OR7C1: variants seen among roughly 807,000 people sequenced by gnomAD.
The protein encoded by OR7C1 is olfactory receptor family 7 subfamily C member 1.
For synonymous variants in OR7C1, 152 were observed against 160.7 expected (o/e 0.95, Z 0.41); for missense variants, 324 against 383.3 (o/e 0.85, Z 1.29).
intron 2 of OR7C1, among the ~76,000 whole-genome samples, chr19:14,807,472 G>A (rs2044671084): frequency 6.6e-6 from 1 of 151,818 alleles, no homozygotes; most frequent in Admixed American, 6.6e-5. Flanking sequence ...CTTCCCCTCT[G>A]TTCATCTCTT....
intron 1 of OR7C1, among the ~76,000 whole-genome samples, chr19:14,829,135 T>C (rs1294591557): frequency 4.6e-5 from 7 of 152,310 alleles, no homozygotes; most frequent in African/African-American, 1.7e-4. Flanking sequence ...GCAAGATTCA[T>C]GAAGTTATCT....
chr19:14,827,090 G>C (rs964592452), intron 1 of OR7C1: 8 of 480,784 alleles, frequency 1.7e-5, no homozygotes, highest in African/African-American at 6.0e-5. Context: ...ACAACAAAGA[G>C]AAAAAACTGT....
At position 14,832,104 on chromosome 19, in the gene OR7C1, C is replaced by T. The variant is rs574001035; in HGVS notation, c.-623+2970G>A. Among the ~76,000 whole-genome samples the T allele has an allele frequency of 2.1e-4, 32 of 152,172 alleles. No homozygotes were observed. In the South Asian group the frequency reaches 6.0e-3, roughly 29 times the overall value. On this transcript the variant is annotated intron_variant, in intron 1 of 4. Transcript: ENST00000641666. Reference sequence around the variant, plus strand: ...TGTTCATGCTTTGTAGAGACAGGGTCTTGTTTTGTTGCCCAGGCTGGTCTC... The same window carrying T: ...TGTTCATGCTTTGTAGAGACAGGGTTTTGTTTTGTTGCCCAGGCTGGTCTC...
intron 1 of OR7C1, among the ~76,000 whole-genome samples, chr19:14,830,944 G>A (rs765351497): frequency 4.6e-5 from 7 of 152,090 alleles, no homozygotes; most frequent in Non-Finnish European, 5.9e-5. Flanking sequence ...TATCAGTACC[G>A]CACAAAGCCC....
intron 1 of OR7C1, chr19:14,828,224 AT>A (rs1568254049): frequency 1.2e-6 from 2 of 1,611,422 alleles, no homozygotes; most frequent in Admixed American, 3.3e-5. Flanking sequence ...AAATTTGTGT[AT>A]CATTTCCTGG....
exon 5 of OR7C1, chr19:14,799,637 G>C: frequency 6.2e-7 from 1 of 1,613,948 alleles, no homozygotes; most frequent in Non-Finnish European, 8.5e-7. Context: ...GGTGCAGAAG[G>C]ACAGCCTCAA....
At chr19:14,816,646 G>A (rs1219158098) in intron 1 of OR7C1, among the ~76,000 whole-genome samples, 3 of 152,176 alleles carry the variant, frequency 2.0e-5, no homozygotes, top group Non-Finnish European at 2.9e-5. Context: ...GACTCAGATT[G>A]TCTTCCTTTC....
chr19:14,811,512 C>T (rs1256481688), intron 1 of OR7C1, among the ~76,000 whole-genome samples: 5 of 151,910 alleles, frequency 3.3e-5, no homozygotes, highest in Non-Finnish European at 7.3e-5. Flanking sequence ...CTAATTGTAT[C>T]TGTAAAGACT....
At chr19:14,826,222 AC>A (rs2044766490) in intron 1 of OR7C1, 1 of 152,180 alleles carries the variant, frequency 6.6e-6, no homozygotes, top group South Asian at 2.1e-4. Flanking sequence ...CAGAGGCATG[AC>A]TGGGGAGAAG....
exon 5 of OR7C1, chr19:14,799,205 A>G: frequency 6.2e-7 from 1 of 1,612,526 alleles, no homozygotes; most frequent in South Asian, 1.1e-5. Context: ...GTCACCATTA[A>G]AAAATGTTGC....
exon 5 of OR7C1, chr19:14,798,699 T>G (rs2044623200): frequency 1.3e-5 from 2 of 154,940 alleles, no homozygotes; most frequent in Non-Finnish European, 2.9e-5. Flanking sequence ...GTGTGCCATT[T>G]GCATAGCATG....
At chr19:14,827,569 T>C in intron 1 of OR7C1, 1 of 1,614,144 alleles carries the variant, frequency 6.2e-7, no homozygotes, top group Non-Finnish European at 8.5e-7. Context: ...ATTGCATGTA[T>C]GGAAGAAATT....
intron 1 of OR7C1, among the ~76,000 whole-genome samples, chr19:14,821,876 C>T (rs1199814505): frequency 2.0e-5 from 3 of 152,216 alleles, no homozygotes; most frequent in African/African-American, 7.2e-5. Context: ...CACAAAATGT[C>T]CCTCACCATT....
At chr19:14,823,574 A>G (rs1209492614) in intron 1 of OR7C1, among the ~76,000 whole-genome samples, 1 of 152,238 alleles carries the variant, frequency 6.6e-6, no homozygotes, top group East Asian at 1.9e-4. Flanking sequence ...CAAATAGTGT[A>G]CATTGTACCC....
intron 2 of OR7C1, among the ~76,000 whole-genome samples, chr19:14,808,318 A>C (rs2044675457): frequency 6.6e-6 from 1 of 151,998 alleles, no homozygotes; most frequent in Non-Finnish European, 1.5e-5. Context: ...ACCTGAACTA[A>C]TACGTTTATC....
At chr19:14,818,121 G>T (rs534848603) in intron 1 of OR7C1, among the ~76,000 whole-genome samples, 39 of 139,646 alleles carry the variant, frequency 2.8e-4, no homozygotes, top group African/African-American at 9.8e-4. Flanking sequence ...ACGGAGTCTC[G>T]CTCTGTCCCC....
At chr19:14,824,616 A>G (rs1043194109) in intron 1 of OR7C1, 5 of 152,144 alleles carry the variant, frequency 3.3e-5, no homozygotes, top group Non-Finnish European at 7.3e-5. Flanking sequence ...TTCTTTATCC[A>G]ATACACCATT....
chr19:14,826,547 C>G (rs1231396839), intron 1 of OR7C1: 4 of 152,104 alleles, frequency 2.6e-5, no homozygotes, highest in Non-Finnish European at 4.4e-5. Context: ...TTCAATGAGT[C>G]CATGCACATC....
In OR7C1 at chr19:14,828,141, A is replaced by C. The variant is rs753219648; in HGVS notation, c.-623+6933T>G. The C allele has an allele frequency of 3.1e-6, 5 of 1,614,158 alleles. No homozygotes were observed. Among genetic ancestry groups the C allele is most frequent in the Non-Finnish European group, 4.2e-6 (5 of 1,180,030 alleles). On this transcript the variant is annotated intron_variant, in intron 1 of 4. Transcript: ENST00000641666. ...GTTCCCGAGCACAGTGACCAGGTAC[A>C]TGGACAGGAACAGCCCAAAGAGGAA...
Sources: allele counts gnomAD v4.1 joint callset (sites outside exome capture counted in the v4.1 genomes callset), GRCh38; gene constraint gnomAD v4.1.1; transcripts MANE v1.5; gene names NCBI Gene and HGNC (gene_info 2026-07-23, HGNC 2026-07-21).